The following DRC9 variants were observed in gnomAD, a reference collection of about 807,000 sequenced individuals.
DRC9 encodes the protein dynein regulatory complex subunit 9.
the DRC9 span, among the ~76,000 whole-genome samples, chr3:197,944,741 C>T: frequency 6.6e-6 from 1 of 152,240 alleles, no homozygotes; most frequent in East Asian, 1.9e-4. Flanking sequence ...AGCCACCGCG[C>T]CCGGCCAGTT....
chr3:197,927,850 C>T, the DRC9 span, among the ~76,000 whole-genome samples: 2 of 150,914 alleles, frequency 1.3e-5, no homozygotes, highest in Admixed American at 6.7e-5. Context: ...AGCAAACTGT[C>T]ACAAGGACAG....
chr3:197,950,986 T>A, the DRC9 span: 2 of 1,613,518 alleles, frequency 1.2e-6, no homozygotes, highest in Non-Finnish European at 1.7e-6. Context: ...AAGGTACGCG[T>A]TTTAAATATA....
At chr3:197,942,234 A>G in the DRC9 span, among the ~76,000 whole-genome samples, 1 of 151,748 alleles carries the variant, frequency 6.6e-6, no homozygotes, top group Non-Finnish European at 1.5e-5. Flanking sequence ...TCTTATCTAA[A>G]CTTTTTAAAC....
chr3:197,905,730 C>T, the DRC9 span, among the ~76,000 whole-genome samples: 2 of 151,716 alleles, frequency 1.3e-5, no homozygotes, highest in Non-Finnish European at 2.9e-5. Flanking sequence ...GAACAAAATT[C>T]CAATCTCAGA....
At chr3:197,922,585 A>T in the DRC9 span, among the ~76,000 whole-genome samples, 2 of 152,134 alleles carry the variant, frequency 1.3e-5, no homozygotes, top group Non-Finnish European at 2.9e-5. Flanking sequence ...CTACACCTGT[A>T]ATCCCAGCTA....
the DRC9 span, among the ~76,000 whole-genome samples, chr3:197,912,113 T>C: frequency 6.6e-6 from 1 of 152,028 alleles, no homozygotes; most frequent in Non-Finnish European, 1.5e-5. Context: ...TGATCTCAGC[T>C]CACTGCATCC....
chr3:197,907,958 T>C, the DRC9 span, among the ~76,000 whole-genome samples: 107 of 148,844 alleles, frequency 7.2e-4, no homozygotes, highest in African/African-American at 2.4e-3. Flanking sequence ...CAGGGGTGAC[T>C]GTACCAGGTC....
chr3:197,898,679 G>A, the DRC9 span, among the ~76,000 whole-genome samples: 3,496 of 152,282 alleles, frequency 0.023, 127 homozygotes, highest in African/African-American at 0.078. Flanking sequence ...AGTGCCGAGC[G>A]AAGGAGGAAG....
chr3:197,932,113 A>G, the DRC9 span: 7 of 1,541,830 alleles, frequency 4.5e-6, no homozygotes, highest in Admixed American at 1.1e-4. Context: ...AAGGATTTCC[A>G]GTAAGAGTGT....
the DRC9 span, among the ~76,000 whole-genome samples, chr3:197,952,968 C>T: frequency 6.6e-6 from 1 of 151,504 alleles, no homozygotes; most frequent in Admixed American, 6.6e-5. Flanking sequence ...ACCCGGCTAA[C>T]TTTTGTATTT....
At chr3:197,958,584 C>T in the DRC9 span, 1 of 152,108 alleles carries the variant, frequency 6.6e-6, no homozygotes, top group Non-Finnish European at 1.5e-5. Context: ...CTGGGTTAGG[C>T]ATATGGAGAA....
At chr3:197,950,230 A>G in the DRC9 span, 1 of 1,231,036 alleles carries the variant, frequency 8.1e-7, no homozygotes, top group Non-Finnish European at 1.0e-6. Flanking sequence ...AGGTGAGTGA[A>G]GGGTCTGCTG....
At chr3:197,942,371 G>A in the DRC9 span, among the ~76,000 whole-genome samples, 107 of 104,554 alleles carry the variant, frequency 1.0e-3, 1 homozygote, top group Middle Eastern at 0.012. Context: ...GCAACAGAGC[G>A]AGACTCCGTC....
chr3:197,958,697 G>A, the DRC9 span: 1 of 152,236 alleles, frequency 6.6e-6, no homozygotes, highest in African/African-American at 2.4e-5. Context: ...TAACTTACAT[G>A]TGCAATGGCA....
chr3:197,912,790 G>A, the DRC9 span: 4 of 1,528,518 alleles, frequency 2.6e-6, no homozygotes, highest in Non-Finnish European at 2.7e-6. Context: ...TCCCCGCAGG[G>A]CTGGGAATCA....
chr3:197,934,701 C>T, the DRC9 span, among the ~76,000 whole-genome samples: 7 of 151,914 alleles, frequency 4.6e-5, no homozygotes, highest in Non-Finnish European at 1.5e-5. Context: ...GGCACAAGAG[C>T]TCACACCTGT....
At chr3:197,897,365 A>T in the DRC9 span, among the ~76,000 whole-genome samples, 10 of 152,238 alleles carry the variant, frequency 6.6e-5, no homozygotes, top group Non-Finnish European at 1.5e-4. Context: ...TACTAATAAA[A>T]GACAAATTCT....
At chr3:197,960,104 G>T in the DRC9 span, 34 of 834,842 alleles carry the variant, frequency 4.1e-5, no homozygotes, top group South Asian at 3.6e-5. Context: ...CTTCTGCGGC[G>T]AACTTCTAGC....
At chr3:197,912,153 A>C in the DRC9 span, among the ~76,000 whole-genome samples, 1 of 149,452 alleles carries the variant, frequency 6.7e-6, no homozygotes, top group Non-Finnish European at 1.5e-5. Context: ...CAATTCTCCC[A>C]CCTCAGCCTC....
Sources: allele counts gnomAD v4.1 joint callset (sites outside exome capture counted in the v4.1 genomes callset), GRCh38; gene constraint gnomAD v4.1.1; transcripts MANE v1.5; gene names NCBI Gene and HGNC (gene_info 2026-07-23, HGNC 2026-07-21).